The following GPATCH1 variants were observed in gnomAD, a reference collection of about 807,000 sequenced individuals.
GPATCH1 encodes G patch domain-containing protein 1.
A neutral mutation model predicts 114.9 loss-of-function variants in GPATCH1; 73 were observed. The observed-to-expected ratio is 0.64, with a 90% CI of 0.53 to 0.77. The LOEUF (loss-of-function observed/expected upper bound fraction) is 0.77, where lower values mean the gene tolerates loss of function less well. Ranked by LOEUF, GPATCH1 falls within the 30% of genes least tolerant of loss-of-function variation. GPATCH1 has a pLI of 0.00. For synonymous variants in GPATCH1, 391 were observed against 428.4 expected (o/e 0.91, Z 1.08); for missense variants, 1,058 against 1,144.3 (o/e 0.92, Z 1.09).
Position 33,118,009 on chromosome 19 carries a change from C to T in GPATCH1, c.2381C>T (p.Thr794Ile), listed in dbSNP as rs1599864786. ...GEANFQSSQD[T>I]DLGETSSVAH... ...GCCAACTTCCAAAGCTCCCAAGACA[C>T]TGACTTGGGGGAAACATCATCTGTG... Residue 794 changes from threonine to isoleucine, a missense_variant, in exon 16 of 20, where the codon ACT becomes ATT. Around this residue, in one of 3 missense-constraint regions of GPATCH1, gnomAD observed 893 missense variants for 977.4 expected, o/e 0.91. Coordinates refer to ENST00000170564, the MANE Select transcript of GPATCH1 (RefSeq NM_018025.3). 1 of 1,612,922 alleles carries T rather than the reference C, an allele frequency of 6.2e-7. No homozygotes were observed. The highest frequency in any genetic ancestry group is 8.5e-7 in the Non-Finnish European group (1 of 1,179,132).
Position 33,093,447 on chromosome 19 carries a change from C to T in GPATCH1, c.383C>T (p.Ala128Val), listed in dbSNP as rs1435532722. The T allele has an allele frequency of 6.2e-7, 1 of 1,613,858 alleles. No homozygotes were observed. Among genetic ancestry groups the T allele is most frequent in the Non-Finnish European group, 8.5e-7 (1 of 1,179,794 alleles). ...ACCAAAGACAGAATACGAGAAAAGG[C>T]TAGGCAGTTGGCCGCTGCTACTGCC... ...SKTKDRIREKARQLAAATAPI... is the reference protein window; with the variant it reads ...SKTKDRIREKVRQLAAATAPI... The change falls in exon 4 of 20, where the codon GCT (alanine) becomes GTT (valine). Residue 128 changes from alanine to valine, a missense_variant. Ala to Val is a moderately conservative substitution (Grantham distance 64). This residue lies in a region of GPATCH1 where 34 missense variants were observed against 59.6 expected (regional missense o/e 0.57). Transcript: ENST00000170564.
At chr19:33,126,789 T>C (rs1378358912) in intron 19 of GPATCH1, 56 bp downstream of exon 19, 2 of 1,399,520 alleles carry the variant, frequency 1.4e-6, no homozygotes. Flanking sequence ...TATTGAGTGC[T>C]TGATGTGTTT....
intron 19 of GPATCH1, among the ~76,000 whole-genome samples, chr19:33,128,082 G>A (rs1973063000): frequency 6.6e-6 from 1 of 150,416 alleles, no homozygotes. Context: ...ATATTTATAG[G>A]GTATGAATTT....
chr19:33,106,722 G>T lies in GPATCH1; in HGVS notation c.1108G>T (p.Asp370Tyr). The change falls in exon 10 of 20, where the codon GAC becomes TAC. Residue 370 changes from aspartate to tyrosine, a missense_variant. Asp to Tyr is a radical substitution (Grantham distance 160). Transcript: ENST00000170564. ...CTATCCACCTCCAGAGCTGCCAAGA[G>T]ACTATCGACCAGTGCATTATTTCAG... Reference protein sequence around the residue: ...KIYPPPELPRDYRPVHYFRPM... With the variant: ...KIYPPPELPRYYRPVHYFRPM... 1 of 1,613,864 alleles carries T rather than the reference G, an allele frequency of 6.2e-7. No homozygotes were observed. The highest frequency in any genetic ancestry group is 8.5e-7 in the Non-Finnish European group (1 of 1,179,950).
At chr19:33,116,850 G>A (rs1229391649) in intron 15 of GPATCH1, among the ~76,000 whole-genome samples, 1 of 151,662 alleles carries the variant, frequency 6.6e-6, no homozygotes, top group African/African-American at 2.4e-5. Flanking sequence ...AAATTAAACT[G>A]CTACTTCCTC....
At chr19:33,085,996 G>A (rs1426776270) in intron 1 of GPATCH1, among the ~76,000 whole-genome samples, 3 of 152,170 alleles carry the variant, frequency 2.0e-5, no homozygotes, top group Non-Finnish European at 2.9e-5. Context: ...CCCTCTTACC[G>A]TAGCCCAGTG....
chr19:33,104,338 C>CAATAAAAAA (rs1972759572), intron 9 of GPATCH1, among the ~76,000 whole-genome samples: 1 of 124,936 alleles, frequency 8.0e-6, no homozygotes. Flanking sequence ...GACCCTGTCT[C>CAATAAAAAA]AAAAAAAAGA....
At chr19:33,083,388 A>AT (rs1972501284) in intron 1 of GPATCH1, among the ~76,000 whole-genome samples, 1 of 148,158 alleles carries the variant, frequency 6.7e-6, no homozygotes, top group African/African-American at 2.5e-5. Context: ...GGCCCCAACC[A>AT]TGTTTTTGTT....
Position 33,126,676 on chromosome 19 carries a change from G to A in GPATCH1, c.2708G>A (p.Ser903Asn), listed in dbSNP as rs1973045163. The change falls in exon 19 of 20, where the codon AGC (serine) becomes AAC (asparagine). Residue 903 changes from serine (S) to asparagine (N), a missense_variant. Ser to Asn is a conservative substitution (Grantham distance 46, BLOSUM62 1). Around this residue, in one of 3 missense-constraint regions of GPATCH1, gnomAD observed 893 missense variants for 977.4 expected, o/e 0.91. Transcript: ENST00000170564. ...AGTAGCTCCGAGAGTTCCGACAGCA[G>A]CGACAGCCAGAGTGACGAGGAAACC... is the stretch of plus-strand genomic sequence containing the variant. ...KSSSSESSDS[S>N]DSQSDEETAD... 6.2e-7 allele frequency: 1 copy of A among 1,614,162 alleles called. No individual in the cohort carries two copies. Among genetic ancestry groups the A allele is most frequent in the East Asian group, 2.2e-5 (1 of 44,888 alleles).
chr19:33,095,321 T>C (rs1176571371), intron 5 of GPATCH1, among the ~76,000 whole-genome samples: 3 of 141,094 alleles, frequency 2.1e-5, no homozygotes, highest in South Asian at 2.4e-4. Context: ...TGAAGTACAA[T>C]GCGCGATCTC....
In GPATCH1 at chr19:33,106,805, A is replaced by C. The variant is rs534239576; in HGVS notation, c.1191A>C (p.Ser397=). 1.9e-6 allele frequency: 3 copies of C among 1,614,070 alleles called. No homozygotes were observed. The highest frequency in any genetic ancestry group is 2.5e-6 in the Non-Finnish European group (3 of 1,180,010). Residue 397 remains serine, a synonymous_variant, in exon 10 of 20, where the codon TCA becomes TCC. Coordinates refer to ENST00000170564, the MANE Select transcript of GPATCH1 (RefSeq NM_018025.3). The part of the protein sequence containing the change: ...NSHLLQVLSE[S]AGKATPDPGT... ...ACTTACTGCAGGTATTATCAGAGTC[A>C]GCTGGAAAGGCAACGCCTGACCCAG...
intron 7 of GPATCH1, among the ~76,000 whole-genome samples, chr19:33,097,043 T>G (rs1395354465): frequency 1.3e-5 from 2 of 151,990 alleles, no homozygotes; most frequent in Non-Finnish European, 2.9e-5. Flanking sequence ...CCTCCCGGGT[T>G]GAAGCGATTC....
In GPATCH1 at chr19:33,126,660, G is replaced by A. The variant is rs1329134252; in HGVS notation, c.2692G>A (p.Glu898Lys). ...NKKPEKSSSS[E>K]SSDSSDSQSD... ...AAAACCAGAGAAAAGTAGTAGCTCC[G>A]AGAGTTCCGACAGCAGCGACAGCCA... Residue 898 changes from glutamate (E) to lysine (K), a missense_variant, in exon 19 of 20, where the codon GAG (glutamate) becomes AAG (lysine). Glu to Lys is a moderately conservative substitution (Grantham distance 56). Transcript: ENST00000170564. 8.7e-6 allele frequency: 14 copies of A among 1,613,988 alleles called. No homozygotes were observed. The South Asian group carries it at 1.2e-4, about 14-fold the overall frequency.
At chr19:33,127,022 C>G (rs1412405253) in intron 19 of GPATCH1, among the ~76,000 whole-genome samples, 1 of 151,492 alleles carries the variant, frequency 6.6e-6, no homozygotes, top group Non-Finnish European at 1.5e-5. Flanking sequence ...GTGCCTCCAG[C>G]TATTTGGGAA....
At chr19:33,100,851 C>T (rs1279631308) in intron 8 of GPATCH1, among the ~76,000 whole-genome samples, 40 of 151,380 alleles carry the variant, frequency 2.6e-4, no homozygotes. Flanking sequence ...TTTGGCGTAA[C>T]CAGTACGTGC....
At chr19:33,107,880 T>C (rs555538563) in intron 10 of GPATCH1, among the ~76,000 whole-genome samples, 1 of 152,250 alleles carries the variant, frequency 6.6e-6, no homozygotes, top group Non-Finnish European at 1.5e-5. Context: ...CTTTAAGTTC[T>C]AGGGTACATG....
chr19:33,108,596 C>T (rs1972814150), intron 10 of GPATCH1, among the ~76,000 whole-genome samples: 1 of 152,060 alleles, frequency 6.6e-6, no homozygotes, highest in African/African-American at 2.4e-5. Context: ...ATCTGCCTGT[C>T]CCCTCTACCA....
At chr19:33,099,618 A>T (rs1462436608) in intron 8 of GPATCH1, among the ~76,000 whole-genome samples, 1 of 150,860 alleles carries the variant, frequency 6.6e-6, no homozygotes, top group African/African-American at 2.4e-5. Context: ...TTTTTTTTTG[A>T]GACAGAGTCT....
chr19:33,094,117 T>C (rs1972627855), intron 4 of GPATCH1, 55 bp from the exon 5 acceptor site: 2 of 965,542 alleles, frequency 2.1e-6, no homozygotes, highest in Middle Eastern at 2.1e-4. Flanking sequence ...GCTTATTTCA[T>C]ATTCTTTGTT....
Sources: allele counts gnomAD v4.1 joint callset (sites outside exome capture counted in the v4.1 genomes callset), GRCh38; gene constraint gnomAD v4.1.1; regional missense constraint gnomAD v4.1.1; transcripts MANE v1.5; gene names NCBI Gene and HGNC (gene_info 2026-07-23, HGNC 2026-07-21).